Variants in WNK2 observed in about 807,000 individuals in gnomAD.
WNK2 encodes serine/threonine-protein kinase WNK2.
WNK2 carries 67 observed loss-of-function variants against 192.1 expected under a neutral mutation model. The ratio of observed to expected loss-of-function variants is 0.35; its 90% CI spans 0.29 to 0.43. The LOEUF is 0.43. Among genes scored for constraint, WNK2 ranks in the 20% least tolerant of loss-of-function variants. WNK2 has a pLI of 1.00. For synonymous variants in WNK2, 1,439 were observed against 1,393.9 expected, an observed-to-expected ratio of 1.03 and a Z score of -0.72; for missense variants, 2,698 against 3,089.7, an observed-to-expected ratio of 0.87 and a Z score of 3.01.
chr9:93,320,329 G>T, intron 29 of WNK2, 38 bp from the exon 30 acceptor site: 1 of 1,367,292 alleles, frequency 7.3e-7, no homozygotes. Context: ...CCAGCACTGC[G>T]GTGGGCCCAC....
rs149013551 is a variant in WNK2 at position 93,237,521 on chromosome 9, A to G, written c.1234-712A>G. On this transcript the variant is annotated intron_variant, in intron 5 of 29. Coordinates refer to ENST00000427277, the MANE Select transcript of WNK2 (RefSeq NM_006648.4). ...GTTCTGTTTTTATCTCTCATTTTTT[A>G]TGTTCATTTTCCTTTACTGCTTGTA... Among the ~76,000 whole-genome samples, 83 of 152,072 alleles carry G rather than the reference A, an allele frequency of 5.5e-4. 1 individual carries two copies. Among genetic ancestry groups the G allele is most frequent in the African/African-American group, 1.9e-3 (79 of 41,474 alleles).
chr9:93,308,204 G>C, intron 27 of WNK2, 124 bp from the exon 28 acceptor site: 1 of 1,447,496 alleles, frequency 6.9e-7, no homozygotes. Context: ...CTTGAAGCAA[G>C]GTGCTGCCTG....
At chr9:93,266,642 A>G (rs1179445188) in intron 16 of WNK2, among the ~76,000 whole-genome samples, 1 of 152,236 alleles carries the variant, frequency 6.6e-6, no homozygotes, top group Non-Finnish European at 1.5e-5. Context: ...GTTACACTAA[A>G]TTAAGTGGTG....
In WNK2 at chr9:93,263,719, G is replaced by A; in HGVS notation, c.3564G>A (p.Arg1188=). The part of the protein sequence containing the change: ...RSRQERASRP[R]LTILNVCNTG... The stretch of plus-strand genomic sequence containing the variant: ...GGCAGGAGAGGGCCAGCCGGCCCCG[G>A]CTTACCATCTTGAACGTGAGTGGGC... Residue 1188 remains arginine, a synonymous_variant, in exon 15 of 30, where the codon CGG becomes CGA. Coordinates refer to ENST00000427277, the MANE Select transcript of WNK2 (RefSeq NM_006648.4). The A allele has an allele frequency of 2.0e-6, 3 of 1,515,728 alleles. No homozygotes were observed. Among genetic ancestry groups the A allele is most frequent in the Non-Finnish European group, 2.6e-6 (3 of 1,136,190 alleles). 93.9% of individuals were successfully genotyped at this position (1,515,728 alleles called of 1,614,324 possible). A position where few individuals can be genotyped will look rare whatever the true frequency, so the allele number is the denominator to read the frequency against.
At chr9:93,203,021 T>A (rs1338064228) in intron 2 of WNK2, among the ~76,000 whole-genome samples, 1 of 147,210 alleles carries the variant, frequency 6.8e-6, no homozygotes, top group Non-Finnish European at 1.5e-5. Context: ...TGTGTCCAAG[T>A]GGGTGGCAGT....
intron 3 of WNK2, 113 bp from the exon 4 acceptor site, chr9:93,230,775 C>A: frequency 1.0e-6 from 1 of 954,076 alleles, no homozygotes; most frequent in Non-Finnish European, 1.6e-6. Context: ...GGGTATGTGC[C>A]GTGTGCACGG....
At chr9:93,256,613 T>A (rs771995274) in intron 10 of WNK2, 159 bp downstream of exon 10, 11 of 875,848 alleles carry the variant, frequency 1.3e-5, no homozygotes, top group Non-Finnish European at 1.8e-5. Flanking sequence ...GGAGTGACTC[T>A]CGTATGTGCA....
chr9:93,210,211 G>T (rs779491028), intron 2 of WNK2, among the ~76,000 whole-genome samples: 1 of 152,006 alleles, frequency 6.6e-6, no homozygotes, highest in Non-Finnish European at 1.5e-5. Context: ...CAGGGATGTG[G>T]GCTGTGGTGC....
At chr9:93,184,406 C>T (rs1247295055) in intron 1 of WNK2, among the ~76,000 whole-genome samples, 21 bp downstream of exon 1, 1 of 151,388 alleles carries the variant, frequency 6.6e-6, no homozygotes, top group Non-Finnish European at 1.5e-5. Flanking sequence ...AGCCTCCCCT[C>T]AACGCCGCTC....
In WNK2 at chr9:93,185,466, C is replaced by G. The variant is rs1475075057; in HGVS notation, c.537C>G (p.Asp179Glu). 8.1e-6 allele frequency: 13 copies of G among 1,612,502 alleles called. No homozygotes were observed. The highest frequency in any genetic ancestry group is 1.3e-5 in the African/African-American group (1 of 74,918). ...ACGAGCCCGAAGAGGAGGAGGACGA[C>G]GAGGACGACCTCAAGGCCGTGGCCA... is the stretch of plus-strand genomic sequence containing the variant. The part of the protein sequence containing the change: ...RRDEPEEEED[D>E]EDDLKAVATS... Residue 179 changes from aspartate to glutamate, a missense_variant, in exon 2 of 30, where the codon GAC becomes GAG. Asp to Glu is a conservative substitution (Grantham distance 45). Coordinates refer to ENST00000427277, the MANE Select transcript of WNK2 (RefSeq NM_006648.4).
intron 2 of WNK2, among the ~76,000 whole-genome samples, chr9:93,208,739 G>GCTCTTCC (rs1833902811): frequency 4.4e-3 from 2 of 452 alleles, no homozygotes; most frequent in African/African-American, 7.6e-3. Context: ...TGTTCTGTGT[G>GCTCTTCC]TGTTCATGTG....
intron 16 of WNK2, 72 bp from the exon 17 acceptor site, chr9:93,267,674 T>A: frequency 6.8e-7 from 1 of 1,468,736 alleles, no homozygotes. Context: ...TAGACATCCG[T>A]CAATCCAGAT....
chr9:93,219,785 C>G (rs1352845823), intron 2 of WNK2, among the ~76,000 whole-genome samples: 1 of 152,230 alleles, frequency 6.6e-6, no homozygotes, highest in East Asian at 1.9e-4. Context: ...GTGCCCAGCT[C>G]CACCTGTTGC....
At chr9:93,256,803 A>AGT (rs913127570) in intron 10 of WNK2, 145 bp from the exon 11 acceptor site, 11 of 779,634 alleles carry the variant, frequency 1.4e-5, no homozygotes, top group Middle Eastern at 3.7e-4. Context: ...TGACTGTGCA[A>AGT]GTGTGTGTGT....
At chr9:93,293,322 C>G in intron 23 of WNK2, 149 bp downstream of exon 23, 2 of 422,088 alleles carry the variant, frequency 4.7e-6, no homozygotes, top group Non-Finnish European at 7.8e-6. Flanking sequence ...GTGATGAAGG[C>G]TTTTTTTTTT....
At chr9:93,194,170 A>C (rs1046920901) in intron 2 of WNK2, among the ~76,000 whole-genome samples, 3 of 152,260 alleles carry the variant, frequency 2.0e-5, no homozygotes, top group African/African-American at 4.8e-5. Flanking sequence ...GACTTTAGAT[A>C]TAACACCAAA....
At position 93,233,292 on chromosome 9, in the gene WNK2, C is replaced by A. The variant is rs190584143; in HGVS notation, c.1076-1516C>A. 7.7e-3 allele frequency among the ~76,000 whole-genome samples: 1,179 copies of A among 152,222 alleles called. 18 individuals are homozygous for A. The highest frequency in any genetic ancestry group is 0.027 in the African/African-American group (1,112 of 41,528). On this transcript the variant is annotated intron_variant, in intron 4 of 29. Coordinates refer to ENST00000427277, the MANE Select transcript of WNK2 (RefSeq NM_006648.4). ...AAGAATAAAAGTTCCCGGCGTCAGG[C>A]CCCTCCACTCAGCTCCTGTTGTTTC...
rs1855315668 is a variant in WNK2 at position 93,320,484 on chromosome 9, GT to G, written c.*96del. The G allele has an allele frequency of 7.9e-7, 1 of 1,271,930 alleles. No homozygotes were observed. Among genetic ancestry groups the G allele is most frequent in the South Asian group, 1.2e-5 (1 of 85,684 alleles). The allele number at this position is 1,271,930 out of a possible 1,614,324, so 78.8% of individuals were successfully genotyped here. A position where few individuals can be genotyped will look rare whatever the true frequency, so the allele number is the denominator to read the frequency against. On this transcript the variant is annotated 3_prime_UTR_variant, in exon 30 of 30. Transcript: ENST00000427277. Reference sequence around the variant, plus strand: ...CTGCTCCTCCTGTCCAGTTCACGCTGTTTTGTAACCACTTTCTAAGCATTTT... The same window carrying G: ...CTGCTCCTCCTGTCCAGTTCACGCTGTTTGTAACCACTTTCTAAGCATTTT...
chr9:93,252,283 C>A (rs1172830612), intron 8 of WNK2, among the ~76,000 whole-genome samples: 1 of 152,160 alleles, frequency 6.6e-6, no homozygotes, highest in Non-Finnish European at 1.5e-5. Flanking sequence ...CTGAGCCATG[C>A]GAGGCCTCTG....
Sources: gnomAD v4.1 joint callset for allele counts (sites outside exome capture counted in the v4.1 genomes callset) on GRCh38, gnomAD v4.1.1 for gene constraint, MANE v1.5 for transcripts, NCBI Gene and HGNC (gene_info 2026-07-23, HGNC 2026-07-21) for gene names.